TRPM2: variants seen among roughly 807,000 people sequenced by gnomAD.
TRPM2 encodes the protein estrogen-responsive element-associated gene 1 protein.
TRPM2 carries 161 observed loss-of-function variants against 174.0 expected under a neutral mutation model. That is an observed-to-expected ratio of 0.93 (90% CI 0.81 to 1.05). The LOEUF (loss-of-function observed/expected upper bound fraction) is 1.05. Among genes scored for constraint, TRPM2 ranks in the 50% least tolerant of loss-of-function variants. The pLI is 0.00. For missense variants in TRPM2, 2,057 were observed against 2,038.0 expected, an observed-to-expected ratio of 1.01 and a Z score of -0.18; for synonymous variants, 954 against 861.3, an observed-to-expected ratio of 1.11 and a Z score of -1.88.
rs563389493 is a variant in TRPM2, at chr21:44,399,739, C to T, written c.2208+298C>T. ...GCAGAAGCCCAGGTGGCTCTGGGAACGGCGTCTGCCCTCTCTCCCTGGAGG... is the reference window on the plus strand; with the variant it reads ...GCAGAAGCCCAGGTGGCTCTGGGAATGGCGTCTGCCCTCTCTCCCTGGAGG... On this transcript the variant is annotated intron_variant, in intron 14 of 31. Coordinates refer to ENST00000397928, the MANE Select transcript of TRPM2 (RefSeq NM_003307.4). This position sits in a 1 kb window ranked among gnomAD's most constrained non-coding sequence, Gnocchi z 4.6. Among the ~76,000 whole-genome samples the T allele has an allele frequency of 9.2e-5, 14 of 152,246 alleles. No homozygotes were observed. Among genetic ancestry groups the T allele is most frequent in the Middle Eastern group, 3.4e-3 (1 of 294 alleles).
intron 2 of TRPM2, among the ~76,000 whole-genome samples, chr21:44,363,816 A>G (rs1326332087): frequency 5.3e-5 from 8 of 152,194 alleles, no homozygotes; most frequent in Admixed American, 2.6e-4. Flanking sequence ...TGACATGTCT[A>G]TGGTGAAGGA....
intron 20 of TRPM2, among the ~76,000 whole-genome samples, chr21:44,417,680 G>A (rs1477995708): frequency 8.0e-6 from 1 of 124,356 alleles, no homozygotes. Context: ...GCTCTCTGTG[G>A]CATCACAGTG....
At chr21:44,424,785 G>A in intron 23 of TRPM2, 67 bp from the exon 24 acceptor site, 1 of 1,065,404 alleles carries the variant, frequency 9.4e-7, no homozygotes, top group Non-Finnish European at 1.3e-6. Flanking sequence ...AGTCTCGGTG[G>A]GCAGTGGGGT....
chr21:44,399,356 T>G lies in TRPM2; in HGVS notation c.2123T>G (p.Val708Gly), dbSNP rs2049534633. 4.3e-6 allele frequency: 7 copies of G among 1,612,848 alleles called. No individual in the cohort carries two copies. In the East Asian group the frequency reaches 1.6e-4, roughly 36 times the overall value. The change falls in exon 14 of 32, where the codon GTG becomes GGG. Residue 708 changes from valine (V) to glycine (G), a missense_variant. Transcript: ENST00000397928. The surrounding 1 kb of genome is among the most constrained non-coding windows in gnomAD (Gnocchi z 4.6). ...AGAGCCCAGAAACTGCTCACCCGCG[T>G]GTCCGAGGCCTGGGGGAAGACCACC... Reference protein sequence around the residue: ...EERAQKLLTRVSEAWGKTTCL... With the variant: ...EERAQKLLTRGSEAWGKTTCL...
intron 22 of TRPM2, among the ~76,000 whole-genome samples, chr21:44,421,867 T>C (rs988107395): frequency 6.6e-6 from 1 of 152,082 alleles, no homozygotes; most frequent in African/African-American, 2.4e-5. Flanking sequence ...CAGTGCGCCA[T>C]GATGGTGCCA....
intron 16 of TRPM2, 49 bp from the exon 17 acceptor site, chr21:44,405,093 A>G: frequency 6.2e-7 from 1 of 1,607,622 alleles, no homozygotes; most frequent in South Asian, 1.1e-5. Flanking sequence ...CAGTGAGGAT[A>G]GTAAGAGTGA....
In TRPM2 at chr21:44,425,785, T is replaced by C; in HGVS notation, c.3753T>C (p.Pro1251=). The C allele has an allele frequency of 6.3e-7, 1 of 1,588,684 alleles. No individual in the cohort carries two copies. The highest frequency in any genetic ancestry group is 8.6e-7 in the Non-Finnish European group (1 of 1,161,724). The change falls in exon 25 of 32, where the codon CCT becomes CCC. Residue 1251 remains proline, a synonymous_variant. Transcript: ENST00000397928. ...GGCACCTCCTCTACCCCAACTGCCC[T>C]GTCACGCGCTTCCCCGTGCCCAACG... is the stretch of plus-strand genomic sequence containing the variant. ...NARHLLYPNC[P]VTRFPVPNEK...
At chr21:44,405,814 G>A in intron 17 of TRPM2, 91 bp from the exon 18 acceptor site, 3 of 1,506,454 alleles carry the variant, frequency 2.0e-6, no homozygotes, top group East Asian at 2.3e-5. Context: ...GGCCCACCTG[G>A]GCTAGGACAG....
Position 44,369,322 on chromosome 21 carries a change from C to G in TRPM2, c.750C>G (p.Arg250=), listed in dbSNP as rs780520522. The stretch of plus-strand genomic sequence containing the variant: ...CCACCTGGGGCACTGTCCACCGCCG[C>G]GAGGGCCTGATCCATCCCACGGTGA... ...GVATWGTVHR[R]EGLIHPTGSF... is the part of the protein sequence containing the mutation. Residue 250 remains arginine (R), a synonymous_variant, in exon 5 of 32, where the codon CGC becomes CGG. Coordinates refer to ENST00000397928, the MANE Select transcript of TRPM2 (RefSeq NM_003307.4). The G allele has an allele frequency of 6.2e-7, 1 of 1,612,802 alleles. No homozygotes were observed. Among genetic ancestry groups the G allele is most frequent in the Admixed American group, 1.7e-5 (1 of 59,970 alleles).
At position 44,414,092 on chromosome 21, in the gene TRPM2, G is replaced by T; in HGVS notation, c.3146+18G>T. The T allele has an allele frequency of 6.2e-7, 1 of 1,604,016 alleles. No homozygotes were observed. The highest frequency in any genetic ancestry group is 8.5e-7 in the Non-Finnish European group (1 of 1,174,652). ...ATGTTCAAGTGAGCGCCTGGGTGGG[G>T]CTGGCGTGCAGGTGGGTGGGTGGGC... On this transcript the variant is annotated intron_variant, in intron 20 of 31. Transcript: ENST00000397928.
At chr21:44,397,940 C>T in intron 13 of TRPM2, 64 bp downstream of exon 13, 1 of 1,492,440 alleles carries the variant, frequency 6.7e-7, no homozygotes, top group Non-Finnish European at 9.0e-7. Flanking sequence ...ACCTGGAGTT[C>T]CCATCCCTGG....
intron 11 of TRPM2, among the ~76,000 whole-genome samples, chr21:44,393,708 C>A (rs1310480846): frequency 1.3e-5 from 2 of 150,544 alleles, no homozygotes; most frequent in African/African-American, 4.9e-5. Context: ...TTCTCAGTTT[C>A]TTTTCTGATT....
At chr21:44,390,869 A>G in intron 9 of TRPM2, 35 bp from the exon 10 acceptor site, 1 of 1,613,006 alleles carries the variant, frequency 6.2e-7, no homozygotes, top group Non-Finnish European at 8.5e-7. Flanking sequence ...TTTGAGCTCC[A>G]GATCGAGGCC....
intron 22 of TRPM2, among the ~76,000 whole-genome samples, chr21:44,418,953 C>T (rs1000331617): frequency 3.9e-5 from 6 of 152,156 alleles, no homozygotes; most frequent in Non-Finnish European, 7.4e-5. Context: ...TGCAGGACCT[C>T]GGCAGCCCAG....
rs1474765572 is a variant in TRPM2 at position 44,399,156 on chromosome 21, T to A, written c.2063-140T>A. The A allele has an allele frequency of 8.6e-7, 1 of 1,158,802 alleles. No individual in the cohort carries two copies. Among genetic ancestry groups the A allele is most frequent in the Non-Finnish European group, 1.2e-6 (1 of 849,748 alleles). The allele number at this position is 1,158,802 out of a possible 1,614,324, so 71.8% of individuals were successfully genotyped here. On this transcript the variant is annotated intron_variant, in intron 13 of 31. Transcript: ENST00000397928. The surrounding 1 kb of genome is among the most constrained non-coding windows in gnomAD (Gnocchi z 4.6). ...TCCTCGTCCCTGGGCCTGGGTGTTT[T>A]GAGACACCAGCCCCACATTTGCCCT...
At chr21:44,378,222 G>A (rs558510659) in intron 7 of TRPM2, among the ~76,000 whole-genome samples, 1 of 152,362 alleles carries the variant, frequency 6.6e-6, no homozygotes, top group South Asian at 2.1e-4. Flanking sequence ...CAGCTTGAAT[G>A]CGCTGCTCTG....
In TRPM2 at chr21:44,391,498, T is replaced by G; in HGVS notation, c.1667T>G (p.Leu556Arg). 6.2e-7 allele frequency: 1 copy of G among 1,611,084 alleles called. No individual in the cohort carries two copies. Among genetic ancestry groups the G allele is most frequent in the Non-Finnish European group, 8.5e-7 (1 of 1,179,392 alleles). Residue 556 changes from leucine (L) to arginine (R), a missense_variant, in exon 11 of 32, where the codon CTG (leucine) becomes CGG (arginine). By Grantham distance (102) the Leu-to-Arg change is moderately radical. Transcript: ENST00000397928. The surrounding 1 kb of genome is among the most constrained non-coding windows in gnomAD (Gnocchi z 5.0). ...RPACAPAAPR[L>R]QMHHVAQVLR... ...GCTTGCGCGCCCGCGGCGCCCCGCC[T>G]GCAGATGCACCACGTGGCCCAGGTG...
chr21:44,351,210 G>C (rs2122996767), upstream of TRPM2, among the ~76,000 whole-genome samples: 34 of 152,198 alleles, frequency 2.2e-4, 1 homozygote, highest in Admixed American at 1.6e-3. Flanking sequence ...TCCTGGGCTC[G>C]CGTGCCAACG....
At chr21:44,406,154 G>A (rs544174218) in intron 18 of TRPM2, 117 bp downstream of exon 18, 48 of 1,346,260 alleles carry the variant, frequency 3.6e-5, no homozygotes, top group Middle Eastern at 4.4e-4. Flanking sequence ...TAGGTTCCCC[G>A]TCCCTGCTTT....
Sources: gnomAD v4.1 joint callset for allele counts (sites outside exome capture counted in the v4.1 genomes callset) on GRCh38, gnomAD v4.1.1 for gene constraint, Gnocchi (gnomAD v3.1) non-coding constraint, MANE v1.5 for transcripts, NCBI Gene and HGNC (gene_info 2026-07-23, HGNC 2026-07-21) for gene names.